Variants in MSANTD5 observed in about 807,000 individuals in gnomAD.
MSANTD5 encodes the protein Myb/SANT DNA binding domain containing 5, also known as uncharacterized protein MSANTD5.
upstream of MSANTD5, among the ~76,000 whole-genome samples, chr5:178,702,449 C>T (rs188139066): frequency 7.9e-5 from 12 of 151,370 alleles, no homozygotes; most frequent in East Asian, 1.2e-3. Context: ...TACAGGCACC[C>T]GCCACCACGC....
upstream of MSANTD5, chr5:178,697,712 G>A (rs1765434804): frequency 1.3e-5 from 2 of 152,198 alleles, no homozygotes; most frequent in Admixed American, 1.3e-4. Context: ...GAGTCAGGAG[G>A]AACCCGAGTG....
the MSANTD5 span, among the ~76,000 whole-genome samples, chr5:178,702,877 G>A: frequency 6.6e-6 from 1 of 152,222 alleles, no homozygotes; most frequent in Middle Eastern, 3.2e-3. Flanking sequence ...GATTACAGAT[G>A]TGAGCCACTG....
chr5:178,703,980 C>CAA, the MSANTD5 span, among the ~76,000 whole-genome samples: 96 of 60,256 alleles, frequency 1.6e-3, no homozygotes, highest in African/African-American at 5.1e-3. Context: ...GACTCCGTCT[C>CAA]AAAAAAAAAA....
downstream of MSANTD5, among the ~76,000 whole-genome samples, chr5:178,693,673 T>C (rs974167659): frequency 2.0e-5 from 3 of 152,030 alleles, no homozygotes; most frequent in African/African-American, 7.3e-5. Flanking sequence ...TGGCCAGCTT[T>C]TATTCCCTTA....
chr5:178,699,937 T>TCTAATGGGGACCC (rs58269048), upstream of MSANTD5, among the ~76,000 whole-genome samples: 2 of 146,788 alleles, frequency 1.4e-5, no homozygotes, highest in Admixed American at 6.7e-5. Context: ...TTCTGTGGCT[T>TCTAATGGGGACCC]TCCAGCACAG....
At chr5:178,693,757 A>C (rs1765381140), downstream of MSANTD5, among the ~76,000 whole-genome samples, 1 of 151,860 alleles carries the variant, frequency 6.6e-6, no homozygotes, top group African/African-American at 2.4e-5. Flanking sequence ...TAGAATGCTG[A>C]TTGGTGCATT....
chr5:178,700,715 C>T (rs1359013395), upstream of MSANTD5, among the ~76,000 whole-genome samples: 1 of 142,760 alleles, frequency 7.0e-6, no homozygotes, highest in Non-Finnish European at 1.6e-5. Context: ...GGGTCTGATG[C>T]ATAATCCGGG....
At chr5:178,702,291 C>CTTTTTTTTTT (rs906079918), upstream of MSANTD5, among the ~76,000 whole-genome samples, 5 of 142,188 alleles carry the variant, frequency 3.5e-5, no homozygotes, top group African/African-American at 1.3e-4. Context: ...ATTTTTCTTT[C>CTTTTTTTTTT]TTTTTTTTTC....
the MSANTD5 span, among the ~76,000 whole-genome samples, chr5:178,705,066 T>TG: frequency 2.0e-5 from 3 of 151,716 alleles, no homozygotes; most frequent in Non-Finnish European, 4.4e-5. Flanking sequence ...TTTTTTTTTT[T>TG]GAGACGGAAT....
At chr5:178,700,824 G>C (rs1302473915), upstream of MSANTD5, among the ~76,000 whole-genome samples, 1 of 152,188 alleles carries the variant, frequency 6.6e-6, no homozygotes, top group Non-Finnish European at 1.5e-5. Context: ...GGAATCTCTG[G>C]GGCCTAGGGC....
At chr5:178,693,307 G>A (rs559930775), downstream of MSANTD5, among the ~76,000 whole-genome samples, 8 of 152,128 alleles carry the variant, frequency 5.3e-5, no homozygotes, top group South Asian at 2.1e-4. Context: ...GTGAGACTCC[G>A]TCTCAAAAAA....
At chr5:178,698,103 G>T (rs1256516268), upstream of MSANTD5, among the ~76,000 whole-genome samples, 1 of 152,170 alleles carries the variant, frequency 6.6e-6, no homozygotes, top group African/African-American at 2.4e-5. Context: ...GCGATGTAAG[G>T]ATTAGGGGAA....
At chr5:178,701,961 G>A (rs956037332), upstream of MSANTD5, among the ~76,000 whole-genome samples, 25 of 150,660 alleles carry the variant, frequency 1.7e-4, no homozygotes, top group African/African-American at 4.6e-4. Context: ...TCAAACTTCC[G>A]ACCTCAGGTG....
downstream of MSANTD5, among the ~76,000 whole-genome samples, chr5:178,693,703 T>C (rs934290559): frequency 6.6e-6 from 1 of 152,056 alleles, no homozygotes; most frequent in Admixed American, 6.5e-5. Context: ...GCCCATGTCC[T>C]GCTGATTGGT....
At chr5:178,697,223 G>A (rs981062418) in intron 1 of MSANTD5, among the ~76,000 whole-genome samples, 14 of 152,108 alleles carry the variant, frequency 9.2e-5, no homozygotes, top group African/African-American at 3.4e-4. Flanking sequence ...GGGAGGCCGA[G>A]GCGGGCGGAT....
upstream of MSANTD5, among the ~76,000 whole-genome samples, chr5:178,698,458 T>C (rs1581734188): frequency 6.6e-6 from 1 of 152,068 alleles, no homozygotes; most frequent in African/African-American, 2.4e-5. Context: ...TCAGAACAAA[T>C]CTTAACTCTT....
At chr5:178,695,768 C>T (rs1019551661) in intron 2 of MSANTD5, among the ~76,000 whole-genome samples, 170 bp from the exon 3 acceptor site, 6 of 152,192 alleles carry the variant, frequency 3.9e-5, no homozygotes, top group Non-Finnish European at 7.3e-5. Context: ...TGACGCCTGA[C>T]ACATCCAGTC....
At chr5:178,694,294 C>A (rs1338917833), downstream of MSANTD5, among the ~76,000 whole-genome samples, 1 of 119,990 alleles carries the variant, frequency 8.3e-6, no homozygotes, top group Non-Finnish European at 1.6e-5. Flanking sequence ...CCAGCCTGGG[C>A]AACCAAGTGA....
At chr5:178,706,828 C>G in the MSANTD5 span, 84 of 152,242 alleles carry the variant, frequency 5.5e-4, no homozygotes, top group African/African-American at 1.7e-3. Context: ...TGCTGGGATT[C>G]CTGGAGCTAA....
Sources: allele counts gnomAD v4.1 joint callset (sites outside exome capture counted in the v4.1 genomes callset), GRCh38; gene constraint gnomAD v4.1.1; transcripts MANE v1.5; gene names NCBI Gene and HGNC (gene_info 2026-07-23, HGNC 2026-07-21).